The following NHS variants were observed in gnomAD, a reference collection of about 807,000 sequenced individuals.
The protein encoded by NHS is NHS actin remodeling regulator.
A neutral mutation model predicts 72.5 loss-of-function variants in NHS; 5 were observed. The observed-to-expected ratio is 0.07, with a 90% CI of 0.04 to 0.14. The LOEUF (loss-of-function observed/expected upper bound fraction) is 0.14, where lower values mean the gene tolerates loss of function less well. Ranked by LOEUF, NHS falls within the 10% of genes least tolerant of loss-of-function variation. The probability of loss-of-function intolerance (pLI) is 1.00; values close to 1 mark genes in which losing one functional copy is unlikely to be tolerated. For missense variants in NHS, 1,072 were observed against 1,355.7 expected, an observed-to-expected ratio of 0.79 and a Z score of 3.29; for synonymous variants, 464 against 547.7, an observed-to-expected ratio of 0.85 and a Z score of 2.13.
intron 1 of NHS, among the ~76,000 whole-genome samples, chrX:17,417,081 G>A (rs1365080038): frequency 3.0e-5 from 3 of 100,509 alleles, no homozygotes; most frequent in African/African-American, 1.2e-4. Context: ...GTGAATTTAA[G>A]AAAACAGAAT....
At chrX:17,407,225 T>C (rs773963913) in intron 1 of NHS, among the ~76,000 whole-genome samples, 5 of 111,990 alleles carry the variant, frequency 4.5e-5, no homozygotes, top group Non-Finnish European at 9.4e-5. Flanking sequence ...AGGGAGATTG[T>C]GGTGTTTCCT....
chrX:17,727,988 T>A lies in NHS; in HGVS notation c.3882T>A (p.Pro1294=). 1 of 1,211,675 alleles carries A rather than the reference T, an allele frequency of 8.3e-7. No individual in the cohort carries two copies. The highest frequency in any genetic ancestry group is 1.1e-6 in the Non-Finnish European group (1 of 895,448). Residue 1294 remains proline (P), a synonymous_variant, in exon 7 of 9, where the codon CCT becomes CCA. Transcript: ENST00000676302. ...ATGGTAAAATAATACAATATGGACC[T>A]GGTCCAGACGAAACTCTAGAACAGG... is the stretch of plus-strand genomic sequence containing the variant. The part of the protein sequence containing the change: ...DLDGKIIQYG[P]GPDETLEQVQ...
At chrX:17,399,398 G>T (rs1426609985) in intron 1 of NHS, among the ~76,000 whole-genome samples, 2 of 111,579 alleles carry the variant, frequency 1.8e-5, no homozygotes, top group Non-Finnish European at 3.8e-5. Context: ...CACCATGCCC[G>T]ACCCCTACTT....
intron 1 of NHS, among the ~76,000 whole-genome samples, chrX:17,576,565 A>T (rs1388582226): frequency 8.9e-6 from 1 of 112,106 alleles, no homozygotes; most frequent in Non-Finnish European, 1.9e-5. Flanking sequence ...TAAAAATAAA[A>T]CAAACAATCC....
At chrX:17,480,288 T>G (rs1382402257) in intron 1 of NHS, among the ~76,000 whole-genome samples, 1 of 111,727 alleles carries the variant, frequency 9.0e-6, no homozygotes, top group African/African-American at 3.3e-5. Context: ...ATTTTAAATT[T>G]CATATGGAAC....
intron 1 of NHS, among the ~76,000 whole-genome samples, chrX:17,486,957 A>G (rs1474673321): frequency 9.0e-6 from 1 of 111,390 alleles, no homozygotes; most frequent in Non-Finnish European, 1.9e-5. Flanking sequence ...TGAGGCACAG[A>G]ATGACTGATG....
intron 1 of NHS, among the ~76,000 whole-genome samples, chrX:17,679,556 T>C (rs1316197943): frequency 9.1e-6 from 1 of 110,308 alleles, no homozygotes; most frequent in Non-Finnish European, 1.9e-5. Flanking sequence ...AAATGAGAGG[T>C]GGGAAACAGT....
chrX:17,543,917 G>T (rs1038621956), intron 1 of NHS, among the ~76,000 whole-genome samples: 1 of 111,984 alleles, frequency 8.9e-6, no homozygotes, highest in African/African-American at 3.3e-5. Flanking sequence ...ATAAAGAGAT[G>T]GAGCTGCGGG....
intron 1 of NHS, among the ~76,000 whole-genome samples, chrX:17,449,914 G>A (rs1232934119): frequency 8.9e-6 from 1 of 111,868 alleles, no homozygotes; most frequent in Non-Finnish European, 1.9e-5. Context: ...TTCTGGCTCT[G>A]CCTTTTAAAA....
intron 1 of NHS, among the ~76,000 whole-genome samples, chrX:17,601,370 A>C (rs2065648552): frequency 8.9e-6 from 1 of 111,841 alleles, no homozygotes. Flanking sequence ...TTTGTCATTT[A>C]TAGGAGGTAA....
intron 1 of NHS, among the ~76,000 whole-genome samples, chrX:17,628,963 C>A: frequency 8.9e-6 from 1 of 112,729 alleles, no homozygotes; most frequent in Middle Eastern, 4.6e-3. Flanking sequence ...TATATTATTA[C>A]CATGAAGAAA....
At chrX:17,398,717 A>G (rs2064488181) in intron 1 of NHS, among the ~76,000 whole-genome samples, 2 of 111,624 alleles carry the variant, frequency 1.8e-5, no homozygotes, top group African/African-American at 6.5e-5. Context: ...GGCCAGAGTA[A>G]TTGGGTTACT....
rs772931509 is a variant in NHS at position 17,692,389 on chromosome X, T to C, written c.773T>C (p.Ile258Thr). 6 of 1,207,502 alleles carry C rather than the reference T, an allele frequency of 5.0e-6. No homozygotes were observed. Among genetic ancestry groups the C allele is most frequent in the East Asian group, 3.0e-5 (1 of 33,691 alleles). Residue 258 changes from isoleucine (I) to threonine (T), a missense_variant, in exon 3 of 9, where the codon ATT (isoleucine) becomes ACT (threonine). Ile to Thr is a moderately conservative substitution (Grantham distance 89, BLOSUM62 -1). Coordinates refer to ENST00000676302, the MANE Select transcript of NHS (RefSeq NM_001291867.2). Reference protein sequence around the residue: ...REQRAAAPLSIAAPPLPAYPP... With the variant: ...REQRAAAPLSTAAPPLPAYPP... Reference sequence around the variant, plus strand: ...CAAAGAGCAGCTGCCCCCCTTTCCATTGCAGCTCCTCCACTGCCAGCCTAC... The same window carrying C: ...CAAAGAGCAGCTGCCCCCCTTTCCACTGCAGCTCCTCCACTGCCAGCCTAC...
At chrX:17,731,671 G>A (rs762819251) in intron 8 of NHS, among the ~76,000 whole-genome samples, 187 bp from the exon 9 acceptor site, 1 of 111,509 alleles carries the variant, frequency 9.0e-6, no homozygotes, top group Non-Finnish European at 1.9e-5. Context: ...CTCTCAGACT[G>A]TGGGTGCTAC....
intron 1 of NHS, among the ~76,000 whole-genome samples, chrX:17,494,067 C>G (rs1291531063): frequency 1.0e-5 from 1 of 98,930 alleles, no homozygotes; most frequent in African/African-American, 3.6e-5. Context: ...CAGAGCAGGT[C>G]CTGGATGACT....
intron 1 of NHS, among the ~76,000 whole-genome samples, chrX:17,397,799 C>T (rs755790786): frequency 3.5e-4 from 39 of 112,085 alleles, no homozygotes; most frequent in Non-Finnish European, 7.0e-4. Context: ...ATCTATCTAT[C>T]CATCCATCCA....
At chrX:17,404,803 GTCTCTCTC>G (rs368840034) in intron 1 of NHS, among the ~76,000 whole-genome samples, 6 of 96,572 alleles carry the variant, frequency 6.2e-5, no homozygotes, top group Admixed American at 5.5e-4. Flanking sequence ...GTAACACTCT[GTCTCTCTC>G]TCTCTCTCTC....
At chrX:17,477,121 G>C (rs1457509719) in intron 1 of NHS, among the ~76,000 whole-genome samples, 2 of 111,889 alleles carry the variant, frequency 1.8e-5, no homozygotes, top group Non-Finnish European at 3.8e-5. Flanking sequence ...ACCAACATAA[G>C]ATAAATATGT....
chrX:17,527,040 T>C (rs780816938), intron 1 of NHS, among the ~76,000 whole-genome samples: 42 of 112,181 alleles, frequency 3.7e-4, no homozygotes, highest in Middle Eastern at 4.6e-3. Context: ...AGAACAGACA[T>C]TTTCCTCTGG....
Sources: gnomAD v4.1 joint callset for allele counts (sites outside exome capture counted in the v4.1 genomes callset) on GRCh38, gnomAD v4.1.1 for gene constraint, MANE v1.5 for transcripts, NCBI Gene and HGNC (gene_info 2026-07-23, HGNC 2026-07-21) for gene names.